The following APC2 variants were observed in gnomAD, a reference collection of about 807,000 sequenced individuals.
APC2 encodes adenomatous polyposis coli protein 2.
A neutral mutation model predicts 72.5 loss-of-function variants in APC2; 41 were observed. That is an observed-to-expected ratio of 0.57 (90% CI 0.44 to 0.73). The LOEUF is 0.73. APC2 is among the 30% of genes least tolerant of loss of function. APC2 has a pLI of 0.00. For synonymous variants in APC2, 1,898 were observed against 1,612.0 expected, an observed-to-expected ratio of 1.18 and a Z score of -4.25; for missense variants, 3,729 against 3,403.4, an observed-to-expected ratio of 1.10 and a Z score of -2.38.
chr19:1,455,275 C>A lies in APC2; in HGVS notation c.522+18C>A. The A allele has an allele frequency of 6.4e-7, 1 of 1,565,126 alleles. No homozygotes were observed. Among genetic ancestry groups the A allele is most frequent in the Non-Finnish European group, 8.6e-7 (1 of 1,159,028 alleles). ...TGGAGACGGTGAGCCGGCCGGGGAG[C>A]CAGGGGGCAGCGCGCCCGCCCCACT... On this transcript the variant is annotated intron_variant, in intron 5 of 14. Transcript: ENST00000590469.
rs1448055668 is a variant in APC2, at chr19:1,466,686, C to A, written c.3385C>A (p.Pro1129Thr). Residue 1129 changes from proline (P) to threonine (T), a missense_variant, in exon 15 of 15, where the codon CCC (proline) becomes ACC (threonine). Physicochemically the swap from Pro to Thr is conservative, Grantham distance 38. Coordinates refer to ENST00000590469, the MANE Select transcript of APC2 (RefSeq NM_005883.3). ...CTCGCTGCCCGTAGCCATTCCGGCT[C>A]CCCGGCGTAACCGAGGCCGGGGCCT... ...ATSLPVAIPA[P>T]RRNRGRGLGV... 1.3e-6 allele frequency: 2 copies of A among 1,512,974 alleles called. No individual in the cohort carries two copies. Among genetic ancestry groups the A allele is most frequent in the East Asian group, 4.9e-5 (2 of 40,820 alleles). The allele number at this position is 1,512,974 out of a possible 1,614,324, so 93.7% of individuals were successfully genotyped here.
intron 9 of APC2, 169 bp downstream of exon 9, chr19:1,457,412 A>G (rs1342273211): frequency 9.1e-6 from 9 of 985,020 alleles, no homozygotes; most frequent in African/African-American, 1.7e-5. Context: ...TTGGGAAAAG[A>G]CCCGCCCATG....
rs1445938780 is a variant in APC2 at position 1,469,396 on chromosome 19, C to T, written c.6095C>T (p.Ala2032Val). The T allele has an allele frequency of 7.7e-5, 93 of 1,212,578 alleles. No homozygotes were observed. Among genetic ancestry groups the T allele is most frequent in the Non-Finnish European group, 9.0e-5 (88 of 975,862 alleles). The allele number at this position is 1,212,578 out of a possible 1,614,324, so 75.1% of individuals were successfully genotyped here. ...QGASPRRGRPALPAVFLCSSR... is the reference protein window; with the variant it reads ...QGASPRRGRPVLPAVFLCSSR... ...GCCTCGCCCCGCCGCGGCCGGCCCG[C>T]GCTGCCCGCCGTCTTCCTCTGCTCC... The change falls in exon 15 of 15, where the codon GCG becomes GTG. Residue 2032 changes from alanine to valine, a missense_variant. Physicochemically the swap from Ala to Val is moderately conservative, Grantham distance 64. Transcript: ENST00000590469.
chr19:1,449,980 C>A (rs974888297), upstream of APC2, among the ~76,000 whole-genome samples: 3 of 152,130 alleles, frequency 2.0e-5, no homozygotes, highest in African/African-American at 4.8e-5. Context: ...CCCCTGAGCC[C>A]GCGCGGAGGC....
chr19:1,466,575 G>A lies in APC2; in HGVS notation c.3274G>A (p.Asp1092Asn). 6.3e-7 allele frequency: 1 copy of A among 1,576,922 alleles called. No homozygotes were observed. The highest frequency in any genetic ancestry group is 8.6e-7 in the Non-Finnish European group (1 of 1,169,096). Residue 1092 changes from aspartate (D) to asparagine (N), a missense_variant, in exon 15 of 15, where the codon GAC becomes AAC. Coordinates refer to ENST00000590469, the MANE Select transcript of APC2 (RefSeq NM_005883.3). ...PGPSEGGDLDDSDSSLEGLEE... is the reference protein window; with the variant it reads ...PGPSEGGDLDNSDSSLEGLEE... ...CCCCAGCGAGGGTGGTGACCTGGAT[G>A]ACAGTGACTCCTCCCTGGAGGGGCT...
At chr19:1,461,391 A>G (rs1420145406) in intron 13 of APC2, 2 of 572,856 alleles carry the variant, frequency 3.5e-6, no homozygotes, top group African/African-American at 1.9e-5. Context: ...CCTGGCCAAC[A>G]TGGTCAGACC....
upstream of APC2, among the ~76,000 whole-genome samples, chr19:1,449,860 CAGG>C (rs1335378775): frequency 6.6e-6 from 1 of 152,224 alleles, no homozygotes; most frequent in Non-Finnish European, 1.5e-5. Context: ...AATCCAGACG[CAGG>C]AGGTTTTAAG....
Position 1,465,820 on chromosome 19 carries a change from C to CGGCCAA in APC2, c.2533_2538dup (p.Ala845_Lys846dup), listed in dbSNP as rs750672569. The CGGCCAA allele has an allele frequency of 1.2e-3, 1,960 of 1,579,770 alleles. 5 individuals carry two copies. The highest frequency in any genetic ancestry group is 1.6e-3 in the Non-Finnish European group (1,833 of 1,165,006). The stretch of plus-strand genomic sequence containing the variant: ...GACACCAGTGGGGAGGCAGCCGTGG[C>CGGCCAA]GGCCAAGGCCAAGGCCAAGCTGGCG... On this transcript the variant is annotated inframe_insertion, in exon 15 of 15. Coordinates refer to ENST00000590469, the MANE Select transcript of APC2 (RefSeq NM_005883.3).
rs2084118215 is a variant in APC2 at position 1,470,615 on chromosome 19, G to A, written c.*402G>A. On this transcript the variant is annotated 3_prime_UTR_variant, in exon 15 of 15. Transcript: ENST00000590469. The stretch of plus-strand genomic sequence containing the variant: ...CAGGGACAGCGCTGGGGAGGTGACG[G>A]CGCCCGCCGCAGGTGGGGCGAGGCT... The A allele has an allele frequency of 2.9e-5, 5 of 173,756 alleles. No homozygotes were observed. Among genetic ancestry groups the A allele is most frequent in the Non-Finnish European group, 4.8e-5 (4 of 82,878 alleles). 10.8% of individuals were successfully genotyped at this position (173,756 alleles called of 1,614,324 possible). A position where few individuals can be genotyped will look rare whatever the true frequency, so the allele number is the denominator to read the frequency against.
upstream of APC2, among the ~76,000 whole-genome samples, chr19:1,449,910 G>C (rs1482047039): frequency 6.6e-6 from 1 of 152,204 alleles, no homozygotes; most frequent in East Asian, 1.9e-4. Flanking sequence ...CGGGACACAG[G>C]AATCTTGGTC....
In APC2 at chr19:1,466,113, C is replaced by T. The variant is rs1294989510; in HGVS notation, c.2812C>T (p.Pro938Ser). 2 of 1,563,676 alleles carry T rather than the reference C, an allele frequency of 1.3e-6. No individual in the cohort carries two copies. Among genetic ancestry groups the T allele is most frequent in the Non-Finnish European group, 1.7e-6 (2 of 1,164,888 alleles). The change falls in exon 15 of 15, where the codon CCA becomes TCA. Residue 938 changes from proline to serine, a missense_variant. Transcript: ENST00000590469. The stretch of plus-strand genomic sequence containing the variant: ...CGGCAGTGCCAGCGACGGGTACTGC[C>T]CACGCGAACATATGCTGCCCTGCCC... ...NSGSASDGYCPREHMLPCPLA... is the reference protein window; with the variant it reads ...NSGSASDGYCSREHMLPCPLA...
In APC2 at chr19:1,468,759, C is replaced by T; in HGVS notation, c.5458C>T (p.Pro1820Ser). The change falls in exon 15 of 15, where the codon CCC becomes TCC. Residue 1820 changes from proline to serine, a missense_variant. Physicochemically the swap from Pro to Ser is moderately conservative, Grantham distance 74. Transcript: ENST00000590469. ...GPRATPRKVA[P>S]PCLAQPAAPA... The stretch of plus-strand genomic sequence containing the variant: ...CCGCGCCACACCGCGGAAGGTGGCG[C>T]CCCCTTGCCTGGCACAGCCCGCGGC... 1 of 1,501,158 alleles carries T rather than the reference C, an allele frequency of 6.7e-7. No homozygotes were observed. The highest frequency in any genetic ancestry group is 2.5e-5 in the East Asian group (1 of 40,252). The allele number at this position is 1,501,158 out of a possible 1,614,324, so 93.0% of individuals were successfully genotyped here.
rs2083728005 is a variant in APC2, at chr19:1,450,282, G to T, written c.-75G>T. 1.0e-6 allele frequency: 1 copy of T among 985,322 alleles called. No homozygotes were observed. Among genetic ancestry groups the T allele is most frequent in the African/African-American group, 1.7e-5 (1 of 57,236 alleles). 61.0% of individuals were successfully genotyped at this position (985,322 alleles called of 1,614,324 possible). ...TTTCCGGTGGGGCCCGCGGAGCCGC[G>T]CAGAGGGAGGAGGCCCCAGACCCAG... On this transcript the variant is annotated 5_prime_UTR_variant, in exon 1 of 15. Coordinates refer to ENST00000590469, the MANE Select transcript of APC2 (RefSeq NM_005883.3).
Position 1,466,064 on chromosome 19 carries a change from C to A in APC2, c.2763C>A (p.Ser921Arg), listed in dbSNP as rs898645821. ...TGCGGCTCAAGGCGGCCCACGCCAG[C>A]CTCTCCAACGACAGCCTCAACAGCG... ...PLLRLKAAHA[S>R]LSNDSLNSGS... The change falls in exon 15 of 15, where the codon AGC (serine) becomes AGA (arginine). Residue 921 changes from serine (S) to arginine (R), a missense_variant. By Grantham distance (110) the Ser-to-Arg change is moderately radical. Transcript: ENST00000590469. 1.3e-6 allele frequency: 2 copies of A among 1,518,416 alleles called. No homozygotes were observed. The highest frequency in any genetic ancestry group is 2.2e-5 in the Admixed American group (1 of 46,022). 94.1% of individuals were successfully genotyped at this position (1,518,416 alleles called of 1,614,324 possible). A position where few individuals can be genotyped will look rare whatever the true frequency, so the allele number is the denominator to read the frequency against.
At chr19:1,453,722 G>C (rs12976522) in intron 4 of APC2, 111 bp downstream of exon 4, 1 of 1,366,512 alleles carries the variant, frequency 7.3e-7, no homozygotes, top group East Asian at 2.5e-5. Flanking sequence ...CACCTCACAC[G>C]CCCCACCCAC....
chr19:1,460,752 G>A (rs371471510), intron 11 of APC2, 28 bp from the exon 12 acceptor site: 131 of 1,607,070 alleles, frequency 8.2e-5, no homozygotes, highest in East Asian at 6.7e-4. Flanking sequence ...TCCCAACCCC[G>A]TGACCCCGGC....
rs375357294 is a variant in APC2 at position 1,465,734 on chromosome 19, G to T, written c.2433G>T (p.Leu811=). 6.5e-6 allele frequency: 10 copies of T among 1,547,990 alleles called. No individual in the cohort carries two copies. In the African/African-American group the frequency reaches 1.4e-4, roughly 21 times the overall value. Residue 811 remains leucine, a synonymous_variant, in exon 15 of 15, where the codon CTG becomes CTT. Transcript: ENST00000590469. The stretch of plus-strand genomic sequence containing the variant: ...CCCTCTTCCTGGGCAGCCCCTTCCT[G>T]CAGGGGCAGGCGCTGGCTCGCACCC... The part of the protein sequence containing the change: ...ALSLFLGSPF[L]QGQALARTPP...
Position 1,452,816 on chromosome 19 carries a change from C to T in APC2, c.-18-168C>T, listed in dbSNP as rs265297. On this transcript the variant is annotated intron_variant, in intron 1 of 14. Coordinates refer to ENST00000590469, the MANE Select transcript of APC2 (RefSeq NM_005883.3). The surrounding 1 kb of genome is among the most constrained non-coding windows in gnomAD (Gnocchi z 5.1). ...CTCTGCGCCCCGGATTGCCTGGCCACCACCACGTGGGCCTGTACTTGTCCA... is the reference window on the plus strand; with the variant it reads ...CTCTGCGCCCCGGATTGCCTGGCCATCACCACGTGGGCCTGTACTTGTCCA... The T allele has an allele frequency of 1.2e-6, 1 of 810,430 alleles. No individual in the cohort carries two copies. The highest frequency in any genetic ancestry group is 1.7e-5 in the African/African-American group (1 of 57,614). 50.2% of individuals were successfully genotyped at this position (810,430 alleles called of 1,614,324 possible). A position where few individuals can be genotyped will look rare whatever the true frequency, so the allele number is the denominator to read the frequency against.
chr19:1,458,874 G>A (rs1334686185), intron 10 of APC2, among the ~76,000 whole-genome samples: 6 of 152,064 alleles, frequency 3.9e-5, no homozygotes, highest in Non-Finnish European at 7.3e-5. Flanking sequence ...AGTAGAGACG[G>A]GGTTTCACCG....
Sources: gnomAD v4.1 joint callset for allele counts (sites outside exome capture counted in the v4.1 genomes callset) on GRCh38, gnomAD v4.1.1 for gene constraint, Gnocchi (gnomAD v3.1) non-coding constraint, MANE v1.5 for transcripts, NCBI Gene and HGNC (gene_info 2026-07-23, HGNC 2026-07-21) for gene names.